SASH3: variants seen among roughly 807,000 people sequenced by gnomAD.
The protein encoded by SASH3 is SAM and SH3 domain-containing protein 3.
SASH3 carries 7 observed loss-of-function variants against 26.1 expected under a neutral mutation model. That is an observed-to-expected ratio of 0.27 (90% confidence interval 0.15 to 0.50). The LOEUF is 0.50. SASH3 is among the 20% of genes least tolerant of loss of function. The probability of loss-of-function intolerance (pLI) is 0.98; values close to 1 mark genes in which losing one functional copy is unlikely to be tolerated. For missense variants in SASH3, 231 were observed against 318.3 expected, an observed-to-expected ratio of 0.73 and a Z score of 2.09; for synonymous variants, 138 against 136.8, an observed-to-expected ratio of 1.01 and a Z score of -0.06.
At chrX:129,793,607 C>T (rs760325636) in intron 7 of SASH3, 35 bp from the exon 8 acceptor site, 1 of 1,193,053 alleles carries the variant, frequency 8.4e-7, no homozygotes, top group East Asian at 3.0e-5. Flanking sequence ...CTACCTCCAC[C>T]CCCATATTCT....
intron 1 of SASH3, among the ~76,000 whole-genome samples, chrX:129,780,715 G>A (rs949549350): frequency 1.1e-4 from 13 of 113,132 alleles, no homozygotes; most frequent in Admixed American, 2.8e-4. Flanking sequence ...CCGAGATGGA[G>A]CCAACCTGGA....
At chrX:129,787,328 T>A (rs1234047455) in intron 1 of SASH3, among the ~76,000 whole-genome samples, 1 of 112,152 alleles carries the variant, frequency 8.9e-6, no homozygotes, top group Non-Finnish European at 1.9e-5. Context: ...GTCTTTCTTC[T>A]ACCAAATTAG....
Position 129,793,618 on chromosome X carries a change from G to A in SASH3, c.953-24G>A, listed in dbSNP as rs1038330633. ...GTCCCTACCTCCACCCCCATATTCT[G>A]TCTCCCTCTCTCGTCCCTGGCAGCT... On this transcript the variant is annotated intron_variant, in intron 7 of 7. Coordinates refer to ENST00000356892, the MANE Select transcript of SASH3 (RefSeq NM_018990.4). 3 of 1,204,250 alleles carry A rather than the reference G, an allele frequency of 2.5e-6. No individual in the cohort carries two copies. The African/African-American group carries it at 5.2e-5, about 21-fold the overall frequency.
chrX:129,793,508 G>C (rs1191185621), intron 7 of SASH3, 134 bp from the exon 8 acceptor site: 2 of 676,540 alleles, frequency 3.0e-6, no homozygotes, highest in Non-Finnish European at 4.3e-6. Context: ...ACTCCTACCA[G>C]CTTCTAAGCT....
intron 5 of SASH3, 51 bp from the exon 6 acceptor site, chrX:129,792,576 C>T (rs775350798): frequency 8.4e-7 from 1 of 1,193,370 alleles, no homozygotes; most frequent in Non-Finnish European, 1.1e-6. Context: ...AGGCCAAGGC[C>T]CCCCATATCC....
chrX:129,788,137 G>GGGGGGGGGGGGGGGGGGGGGT, intron 2 of SASH3, 67 bp downstream of exon 2: 2 of 354,275 alleles, frequency 5.6e-6, no homozygotes, highest in Non-Finnish European at 1.1e-5. Flanking sequence ...GGGTGGGAGG[G>GGGGGGGGGGGGGGGGGGGGGT]AAGAGGGTGA....
intron 3 of SASH3, 43 bp from the exon 4 acceptor site, chrX:129,790,897 C>A (rs368720108): frequency 8.4e-7 from 1 of 1,195,973 alleles, no homozygotes; most frequent in Non-Finnish European, 1.1e-6. Flanking sequence ...TCATGCACAC[C>A]CCAGCAAGGC....
intron 4 of SASH3, among the ~76,000 whole-genome samples, chrX:129,791,915 G>C (rs1051703040): frequency 2.8e-4 from 31 of 112,017 alleles, no homozygotes; most frequent in Non-Finnish European, 1.9e-5. Flanking sequence ...GGGTATCAGG[G>C]AACATGGAGT....
At chrX:129,787,426 GCT>G (rs1927129127) in intron 1 of SASH3, among the ~76,000 whole-genome samples, 1 of 111,998 alleles carries the variant, frequency 8.9e-6, no homozygotes, top group African/African-American at 3.2e-5. Context: ...GCCAGGTCTT[GCT>G]GGCTTCTAGT....
At chrX:129,781,644 G>A (rs1330503377) in intron 1 of SASH3, among the ~76,000 whole-genome samples, 1 of 112,608 alleles carries the variant, frequency 8.9e-6, no homozygotes, top group Admixed American at 9.4e-5. Flanking sequence ...GCCACATCAG[G>A]AAGACGTACC....
intron 3 of SASH3, among the ~76,000 whole-genome samples, chrX:129,789,930 T>C (rs1927201193): frequency 8.9e-6 from 1 of 112,137 alleles, no homozygotes; most frequent in African/African-American, 3.2e-5. Flanking sequence ...ACAATTCAGT[T>C]AATTATATTT....
intron 2 of SASH3, 63 bp downstream of exon 2, chrX:129,788,133 GA>G: frequency 3.2e-6 from 1 of 312,624 alleles, no homozygotes. Context: ...GTGGGGGTGG[GA>G]GGGAAGAGGG....
At position 129,788,059 on chromosome X, in the gene SASH3, C is replaced by A. The variant is rs1216818411; in HGVS notation, c.142C>A (p.Leu48Met). Residue 48 changes from leucine (L) to methionine (M), a missense_variant, in exon 2 of 8, where the codon CTG becomes ATG. Leu to Met is a conservative substitution (Grantham distance 15). Transcript: ENST00000356892. The part of the protein sequence containing the change: ...SPVVSEKEFN[L>M]DDNIPEDDSG... ...CGTGGTGAGCGAGAAGGAGTTTAAT[C>A]TGGATGATAACGTGAGTTTCAGGGC... 9.3e-7 allele frequency: 1 copy of A among 1,078,794 alleles called. No individual in the cohort carries two copies. The highest frequency in any genetic ancestry group is 1.2e-6 in the Non-Finnish European group (1 of 815,513). The allele number at this position is 1,078,794 out of a possible 1,213,427, so 88.9% of individuals were successfully genotyped here.
At chrX:129,788,610 CA>C in intron 3 of SASH3, 33 bp downstream of exon 3, 1 of 1,192,549 alleles carries the variant, frequency 8.4e-7, no homozygotes, top group Non-Finnish European at 1.1e-6. Context: ...ATGGGGTGTC[CA>C]GGGGGCCTGG....
Position 129,792,607 on chromosome X carries a change from C to T in SASH3, c.592-20C>T. The T allele has an allele frequency of 8.3e-7, 1 of 1,204,816 alleles. No homozygotes were observed. On this transcript the variant is annotated intron_variant, in intron 5 of 7. Transcript: ENST00000356892. ...TATCCTCTCTCCCTTGCTCCCTTCT[C>T]CTCTCCTCTCCCCCAACAGAAAGGA...
chrX:129,789,170 A>AGAGAG (rs10683625), intron 3 of SASH3, among the ~76,000 whole-genome samples: 3 of 48,291 alleles, frequency 6.2e-5, no homozygotes, highest in African/African-American at 4.3e-4. Flanking sequence ...AGAAAGAGAA[A>AGAGAG]AAAAAAAAAA....
chrX:129,787,285 A>G (rs766057842), intron 1 of SASH3, among the ~76,000 whole-genome samples: 1 of 112,709 alleles, frequency 8.9e-6, no homozygotes, highest in Non-Finnish European at 1.9e-5. Context: ...ATTAGTGGCT[A>G]AGATTAAAAG....
At position 129,793,879 on chromosome X, in the gene SASH3, G is replaced by A. The variant is rs1256711389; in HGVS notation, c.*47G>A. 1 of 1,096,295 alleles carries A rather than the reference G, an allele frequency of 9.1e-7. No individual in the cohort carries two copies. Among genetic ancestry groups the A allele is most frequent in the Non-Finnish European group, 1.2e-6 (1 of 813,983 alleles). 90.3% of individuals were successfully genotyped at this position (1,096,295 alleles called of 1,213,427 possible). A position where few individuals can be genotyped will look rare whatever the true frequency, so the allele number is the denominator to read the frequency against. Reference sequence around the variant, plus strand: ...AGGCTGGGACCCAGCTGCAAAGGCTGTAGGAGTGGGCCCAGCCTCCCGTGG... The same window carrying A: ...AGGCTGGGACCCAGCTGCAAAGGCTATAGGAGTGGGCCCAGCCTCCCGTGG... On this transcript the variant is annotated 3_prime_UTR_variant, in exon 8 of 8. Transcript: ENST00000356892.
chrX:129,793,898 C>G lies in SASH3; in HGVS notation c.*66C>G. ...AAGGCTGTAGGAGTGGGCCCAGCCTCCCGTGGTGGCCCAGGTCCTGAGGAC... is the reference window on the plus strand; with the variant it reads ...AAGGCTGTAGGAGTGGGCCCAGCCTGCCGTGGTGGCCCAGGTCCTGAGGAC... On this transcript the variant is annotated 3_prime_UTR_variant, in exon 8 of 8. Coordinates refer to ENST00000356892, the MANE Select transcript of SASH3 (RefSeq NM_018990.4). 1 of 1,015,854 alleles carries G rather than the reference C, an allele frequency of 9.8e-7. No individual in the cohort carries two copies. Among genetic ancestry groups the G allele is most frequent in the Non-Finnish European group, 1.3e-6 (1 of 746,180 alleles). 83.7% of individuals were successfully genotyped at this position (1,015,854 alleles called of 1,213,427 possible).
Sources: gnomAD v4.1 joint callset for allele counts (sites outside exome capture counted in the v4.1 genomes callset) on GRCh38, gnomAD v4.1.1 for gene constraint, MANE v1.5 for transcripts, NCBI Gene and HGNC (gene_info 2026-07-23, HGNC 2026-07-21) for gene names.